The following LINGO2 variants were observed in gnomAD, a reference collection of about 807,000 sequenced individuals.
LINGO2 encodes the protein leucine-rich repeat and immunoglobulin-like domain-containing nogo receptor-interacting protein 2.
Under a neutral mutation model 30.6 loss-of-function variants are expected in LINGO2, and 14 were observed. The observed-to-expected ratio is 0.46, with a 90% CI of 0.30 to 0.72. The LOEUF (loss-of-function observed/expected upper bound fraction) is 0.72. Among genes scored for constraint, LINGO2 ranks in the 30% least tolerant of loss-of-function variants. The pLI, the probability that LINGO2 is intolerant of heterozygous loss-of-function variation, is 0.07. For missense variants in LINGO2, 729 were observed against 751.7 expected (o/e 0.97, Z 0.35); for synonymous variants, 317 against 288.5 (o/e 1.10, Z -1.00).
the LINGO2 span, among the ~76,000 whole-genome samples, chr9:28,892,792 T>A: frequency 6.6e-6 from 1 of 152,036 alleles, no homozygotes; most frequent in Non-Finnish European, 1.5e-5. Flanking sequence ...TTAAATAGTT[T>A]TAAATTAGTT....
chr9:28,310,375 T>C (rs1214427507), intron 3 of LINGO2, among the ~76,000 whole-genome samples: 1 of 152,164 alleles, frequency 6.6e-6, no homozygotes, highest in Non-Finnish European at 1.5e-5. Flanking sequence ...AATGAACTAA[T>C]GGTGCATGCA....
At chr9:28,618,664 A>C (rs1318040370) in intron 1 of LINGO2, among the ~76,000 whole-genome samples, 1 of 152,146 alleles carries the variant, frequency 6.6e-6, no homozygotes, top group Admixed American at 6.5e-5. Context: ...ATTATGATCT[A>C]GCTCCTTTAG....
At chr9:29,184,988 A>ATTG in the LINGO2 span, among the ~76,000 whole-genome samples, 4 of 152,090 alleles carry the variant, frequency 2.6e-5, no homozygotes, top group Non-Finnish European at 5.9e-5. Flanking sequence ...TAATCTTTTC[A>ATTG]TTGTTGTTGT....
the LINGO2 span, among the ~76,000 whole-genome samples, chr9:29,201,745 G>A: frequency 6.6e-6 from 1 of 151,952 alleles, no homozygotes; most frequent in African/African-American, 2.4e-5. Context: ...ATACAGGAAT[G>A]ACTTTGTGTA....
chr9:28,435,649 A>G (rs984142), intron 2 of LINGO2, among the ~76,000 whole-genome samples: 20,594 of 152,174 alleles, frequency 0.14, 1,664 homozygotes, highest in East Asian at 0.23. Flanking sequence ...CATTTGTCCC[A>G]TGATCTTCAG....
chr9:28,105,289 C>G (rs1413123476), intron 4 of LINGO2, among the ~76,000 whole-genome samples: 1 of 152,116 alleles, frequency 6.6e-6, no homozygotes, highest in Admixed American at 6.6e-5. Flanking sequence ...GAAGCTCTCA[C>G]AGAATATAAG....
At chr9:27,966,653 G>C (rs1422568503) in intron 5 of LINGO2, among the ~76,000 whole-genome samples, 1 of 152,040 alleles carries the variant, frequency 6.6e-6, no homozygotes, top group Non-Finnish European at 1.5e-5. Flanking sequence ...CAGGTTGATA[G>C]CTGCAGCAAA....
chr9:29,130,194 T>C, the LINGO2 span, among the ~76,000 whole-genome samples: 1 of 152,274 alleles, frequency 6.6e-6, no homozygotes, highest in South Asian at 2.1e-4. Flanking sequence ...GCAGAGGATA[T>C]AAGTTTTTGC....
At chr9:28,545,994 C>T (rs922573235) in intron 1 of LINGO2, among the ~76,000 whole-genome samples, 1 of 152,036 alleles carries the variant, frequency 6.6e-6, no homozygotes, top group Non-Finnish European at 1.5e-5. Flanking sequence ...CACTACTACT[C>T]TAAGTATTCT....
At chr9:29,033,695 G>T in the LINGO2 span, among the ~76,000 whole-genome samples, 4 of 151,674 alleles carry the variant, frequency 2.6e-5, no homozygotes, top group African/African-American at 9.7e-5. Flanking sequence ...CTGAGGGCAA[G>T]ATGCCACTAA....
At chr9:28,080,238 T>C (rs554854672) in intron 4 of LINGO2, among the ~76,000 whole-genome samples, 12 of 152,338 alleles carry the variant, frequency 7.9e-5, no homozygotes, top group Middle Eastern at 6.8e-3. Context: ...ATTTTATGGC[T>C]TTTAATTGCA....
At chr9:28,592,090 G>A (rs1418873189) in intron 1 of LINGO2, among the ~76,000 whole-genome samples, 4 of 152,050 alleles carry the variant, frequency 2.6e-5, no homozygotes, top group African/African-American at 7.2e-5. Context: ...TTAGGAAAAT[G>A]GAGTAATGGG....
At chr9:28,743,003 C>A in the LINGO2 span, among the ~76,000 whole-genome samples, 1 of 151,766 alleles carries the variant, frequency 6.6e-6, no homozygotes, top group African/African-American at 2.4e-5. Context: ...TACATAATTG[C>A]CTATATGATA....
intron 4 of LINGO2, among the ~76,000 whole-genome samples, chr9:28,212,717 T>A (rs538324412): frequency 6.6e-6 from 1 of 151,432 alleles, no homozygotes; most frequent in East Asian, 1.9e-4. Context: ...AAATAAAATT[T>A]AAAAATCAAA....
chr9:28,136,000 A>G (rs1827506997), intron 4 of LINGO2, among the ~76,000 whole-genome samples: 1 of 152,198 alleles, frequency 6.6e-6, no homozygotes, highest in Admixed American at 6.5e-5. Flanking sequence ...CAGCAGTGAT[A>G]AAGTCTGATG....
chr9:28,617,450 C>T (rs1403222659), intron 1 of LINGO2, among the ~76,000 whole-genome samples: 2 of 152,122 alleles, frequency 1.3e-5, no homozygotes, highest in South Asian at 4.2e-4. Flanking sequence ...CGCCCACCAC[C>T]ACTCCTGGCT....
At chr9:28,055,608 T>C (rs1824894176) in intron 4 of LINGO2, among the ~76,000 whole-genome samples, 1 of 151,496 alleles carries the variant, frequency 6.6e-6, no homozygotes, top group Admixed American at 6.6e-5. Context: ...ATGTTTTCTC[T>C]CTATCATAGG....
intron 4 of LINGO2, among the ~76,000 whole-genome samples, chr9:28,083,000 T>A (rs1472975847): frequency 6.6e-6 from 1 of 152,208 alleles, no homozygotes. Flanking sequence ...CACTGGTGTT[T>A]ACCTCTGTCT....
chr9:28,315,918 C>T (rs887404355), intron 3 of LINGO2, among the ~76,000 whole-genome samples: 1 of 152,100 alleles, frequency 6.6e-6, no homozygotes, highest in Non-Finnish European at 1.5e-5. Context: ...GGGTTAAATG[C>T]GTAGGCTCCA....
Sources: gnomAD v4.1 joint callset for allele counts (sites outside exome capture counted in the v4.1 genomes callset) on GRCh38, gnomAD v4.1.1 for gene constraint, MANE v1.5 for transcripts, NCBI Gene and HGNC (gene_info 2026-07-23, HGNC 2026-07-21) for gene names.